Variants in SMOC2 observed in about 807,000 individuals in gnomAD.
The protein encoded by SMOC2 is SPARC-related modular calcium-binding protein 2.
In SMOC2, 39 loss-of-function variants were observed where a neutral mutation model predicts 61.4. The ratio of observed to expected loss-of-function variants is 0.64; its 90% confidence interval spans 0.49 to 0.83. The LOEUF (loss-of-function observed/expected upper bound fraction) is 0.83, where lower values mean the gene tolerates loss of function less well. Among genes scored for constraint, SMOC2 ranks in the 40% least tolerant of loss-of-function variants. The pLI is 0.00. For missense variants in SMOC2, 556 were observed against 592.9 expected (o/e 0.94, Z 0.65); for synonymous variants, 247 against 239.9 (o/e 1.03, Z -0.27).
chr6:168,582,916 A>C (rs1784953745), intron 7 of SMOC2, among the ~76,000 whole-genome samples: 1 of 151,824 alleles, frequency 6.6e-6, no homozygotes, highest in African/African-American at 2.4e-5. Context: ...CCACATGGAC[A>C]CTGTGGCGCC....
chr6:168,532,189 AG>A (rs958421965), intron 4 of SMOC2, among the ~76,000 whole-genome samples: 5 of 152,060 alleles, frequency 3.3e-5, no homozygotes, highest in African/African-American at 4.8e-5. Flanking sequence ...TGCACTCCTC[AG>A]GGCCCTGCTG....
chr6:168,457,602 C>T (rs914367892), intron 1 of SMOC2, among the ~76,000 whole-genome samples: 5 of 152,206 alleles, frequency 3.3e-5, no homozygotes, highest in East Asian at 1.9e-4. Context: ...TCCTTCCAGC[C>T]GTGCTTGTGA....
intron 4 of SMOC2, among the ~76,000 whole-genome samples, chr6:168,529,512 G>T (rs192287914): frequency 6.6e-6 from 1 of 152,180 alleles, no homozygotes; most frequent in Admixed American, 6.5e-5. Flanking sequence ...AGTATATTCC[G>T]CAGGTCTACA....
At chr6:168,471,569 A>T (rs1019090226) in intron 1 of SMOC2, among the ~76,000 whole-genome samples, 2 of 152,222 alleles carry the variant, frequency 1.3e-5, no homozygotes, top group African/African-American at 4.8e-5. Context: ...GGATATATAC[A>T]TGGAAGTTGA....
At chr6:168,565,051 A>G (rs73260620) in intron 7 of SMOC2, among the ~76,000 whole-genome samples, 1,811 of 152,338 alleles carry the variant, frequency 0.012, 41 homozygotes, top group African/African-American at 0.041. Flanking sequence ...TTTGCAGGGA[A>G]TGTTTGTATA....
At chr6:168,637,060 T>C (rs1431789253) in intron 9 of SMOC2, among the ~76,000 whole-genome samples, 1 of 151,748 alleles carries the variant, frequency 6.6e-6, no homozygotes, top group African/African-American at 2.4e-5. Context: ...GACGTAGATG[T>C]GAGGGACACG....
intron 2 of SMOC2, among the ~76,000 whole-genome samples, chr6:168,518,578 CATGT>C (rs1418272629): frequency 7.8e-5 from 11 of 140,546 alleles, no homozygotes; most frequent in Admixed American, 2.9e-4. Flanking sequence ...TGTGACAATG[CATGT>C]ATGTGTGTGA....
intron 7 of SMOC2, among the ~76,000 whole-genome samples, chr6:168,550,336 A>G (rs1258118053): frequency 6.6e-6 from 1 of 152,220 alleles, no homozygotes; most frequent in Non-Finnish European, 1.5e-5. Flanking sequence ...TCTTCTGCTT[A>G]CAAAAAAAAT....
At chr6:168,574,744 C>T (rs890189043) in intron 7 of SMOC2, among the ~76,000 whole-genome samples, 1 of 152,092 alleles carries the variant, frequency 6.6e-6, no homozygotes, top group Non-Finnish European at 1.5e-5. Context: ...CTGTCCTTCC[C>T]GACCTCCCTG....
chr6:168,573,054 C>T (rs377138113), intron 7 of SMOC2, among the ~76,000 whole-genome samples: 90 of 72,342 alleles, frequency 1.2e-3, no homozygotes, highest in East Asian at 2.3e-3. Flanking sequence ...TCCCCGCATC[C>T]CCGGGTGCGG....
At chr6:168,479,621 C>T (rs1782164161) in intron 1 of SMOC2, among the ~76,000 whole-genome samples, 1 of 152,212 alleles carries the variant, frequency 6.6e-6, no homozygotes, top group Non-Finnish European at 1.5e-5. Flanking sequence ...ACTCTCCACC[C>T]CAACCTTGCG....
chr6:168,459,360 G>A (rs968054221), intron 1 of SMOC2, among the ~76,000 whole-genome samples: 2 of 152,176 alleles, frequency 1.3e-5, no homozygotes, highest in African/African-American at 2.4e-5. Context: ...GGCAGGAAGC[G>A]TGACATTGAG....
At chr6:168,481,575 A>G (rs931168819) in intron 1 of SMOC2, among the ~76,000 whole-genome samples, 6 of 152,092 alleles carry the variant, frequency 3.9e-5, no homozygotes, top group African/African-American at 1.4e-4. Context: ...TTAACTAATC[A>G]CAAAATAAGA....
intron 1 of SMOC2, among the ~76,000 whole-genome samples, chr6:168,455,784 G>C (rs1457239898): frequency 2.0e-5 from 3 of 152,160 alleles, no homozygotes; most frequent in Non-Finnish European, 4.4e-5. Context: ...AAAACAAACC[G>C]AACAACCTAG....
intron 5 of SMOC2, among the ~76,000 whole-genome samples, chr6:168,545,121 T>C (rs901093621): frequency 2.0e-5 from 3 of 151,944 alleles, no homozygotes; most frequent in African/African-American, 7.3e-5. Flanking sequence ...ATGTCGACAT[T>C]TGTAGAGAAA....
chr6:168,540,934 TG>T (rs1031720320), intron 4 of SMOC2, among the ~76,000 whole-genome samples: 1 of 152,092 alleles, frequency 6.6e-6, no homozygotes, highest in Non-Finnish European at 1.5e-5. Flanking sequence ...CTCACTCACC[TG>T]GGAAGGGCGT....
At position 168,634,656 on chromosome 6, in the gene SMOC2, C is replaced by A. The variant is rs77044833; in HGVS notation, c.908-16025C>A. Among the ~76,000 whole-genome samples, 901 of 152,304 alleles carry A rather than the reference C, an allele frequency of 5.9e-3. 13 individuals carry two copies. Among genetic ancestry groups the A allele is most frequent in the African/African-American group, 0.02 (826 of 41,568 alleles). Reference sequence around the variant, plus strand: ...GTTTTCCAAGCGCTAGGCTACAAGACCAGAACTTGGCAGACATCTGAGCAA... The same window carrying A: ...GTTTTCCAAGCGCTAGGCTACAAGAACAGAACTTGGCAGACATCTGAGCAA... On this transcript the variant is annotated intron_variant, in intron 9 of 12. Transcript: ENST00000356284.
intron 9 of SMOC2, among the ~76,000 whole-genome samples, chr6:168,611,850 C>T (rs115228849): frequency 0.019 from 2,908 of 152,240 alleles, 98 homozygotes; most frequent in African/African-American, 0.067. Context: ...TCCTTCAGGA[C>T]GGCTTCCTCA....
intron 7 of SMOC2, among the ~76,000 whole-genome samples, chr6:168,560,526 G>A (rs1435311663): frequency 6.9e-6 from 1 of 145,286 alleles, no homozygotes; most frequent in South Asian, 2.2e-4. Flanking sequence ...CTGCGTTCTT[G>A]GAGGAGGTGT....
Sources: allele counts gnomAD v4.1 joint callset (sites outside exome capture counted in the v4.1 genomes callset), GRCh38; gene constraint gnomAD v4.1.1; transcripts MANE v1.5; gene names NCBI Gene and HGNC (gene_info 2026-07-23, HGNC 2026-07-21).